Variants in HEMK2 observed in about 807,000 individuals in gnomAD.
HEMK2 encodes the protein methyltransferase HEMK2.
At chr21:28,747,263 C>T in the HEMK2 span, among the ~76,000 whole-genome samples, 3 of 152,148 alleles carry the variant, frequency 2.0e-5, no homozygotes, top group African/African-American at 7.2e-5. Flanking sequence ...CTGCAAGGCC[C>T]GGATGGAGGA....
chr21:28,616,688 C>T, the HEMK2 span, among the ~76,000 whole-genome samples: 1 of 152,134 alleles, frequency 6.6e-6, no homozygotes, highest in Non-Finnish European at 1.5e-5. Flanking sequence ...TTTTCTATTT[C>T]CTAGTCATTT....
At chr21:28,881,929 T>C in the HEMK2 span, among the ~76,000 whole-genome samples, 128,644 of 152,212 alleles carry the variant, frequency 0.85, 54,790 homozygotes, top group South Asian at 0.93. Context: ...TGAGCCTTTG[T>C]ACCCGGACTA....
At chr21:28,736,226 TA>T in the HEMK2 span, among the ~76,000 whole-genome samples, 1 of 152,210 alleles carries the variant, frequency 6.6e-6, no homozygotes, top group Non-Finnish European at 1.5e-5. Context: ...CACTTCTAGT[TA>T]TTAGGATGAG....
At chr21:28,592,900 T>C in the HEMK2 span, among the ~76,000 whole-genome samples, 1 of 152,208 alleles carries the variant, frequency 6.6e-6, no homozygotes, top group Non-Finnish European at 1.5e-5. Flanking sequence ...TATTGATCAG[T>C]AGCATTTAAA....
At chr21:28,694,545 C>T in the HEMK2 span, among the ~76,000 whole-genome samples, 3 of 152,330 alleles carry the variant, frequency 2.0e-5, no homozygotes, top group East Asian at 3.9e-4. Context: ...CCTCACTACA[C>T]TATCCTCTTT....
the HEMK2 span, among the ~76,000 whole-genome samples, chr21:28,787,010 T>C: frequency 0.063 from 9,644 of 152,154 alleles, 467 homozygotes; most frequent in African/African-American, 0.14. Context: ...AGGCATCACC[T>C]AGGCACATAG....
chr21:28,677,821 T>C, the HEMK2 span, among the ~76,000 whole-genome samples: 1 of 152,104 alleles, frequency 6.6e-6, no homozygotes, highest in African/African-American at 2.4e-5. Context: ...CTCCAAAAGA[T>C]ATGCAGCTGA....
At chr21:28,789,348 A>G in the HEMK2 span, among the ~76,000 whole-genome samples, 1 of 152,238 alleles carries the variant, frequency 6.6e-6, no homozygotes, top group South Asian at 2.1e-4. Context: ...TATAGCTCTC[A>G]ATTGTGGAAA....
chr21:28,688,507 A>G, the HEMK2 span, among the ~76,000 whole-genome samples: 1 of 152,006 alleles, frequency 6.6e-6, no homozygotes, highest in Non-Finnish European at 1.5e-5. Context: ...CATGTCAACT[A>G]GAGTGCATGC....
chr21:28,861,110 C>T, the HEMK2 span, among the ~76,000 whole-genome samples: 2 of 152,190 alleles, frequency 1.3e-5, no homozygotes, highest in Non-Finnish European at 2.9e-5. Flanking sequence ...GAAGGCAGCA[C>T]CTGCATCTTT....
chr21:28,591,519 A>T, the HEMK2 span, among the ~76,000 whole-genome samples: 1 of 152,198 alleles, frequency 6.6e-6, no homozygotes, highest in Non-Finnish European at 1.5e-5. Context: ...GTCCATCAGT[A>T]AGTTGAACAA....
chr21:28,800,945 T>C, the HEMK2 span, among the ~76,000 whole-genome samples: 1 of 152,192 alleles, frequency 6.6e-6, no homozygotes, highest in Non-Finnish European at 1.5e-5. Context: ...ATACAGCCTC[T>C]TCCTAATAAA....
At chr21:28,650,548 G>A in the HEMK2 span, among the ~76,000 whole-genome samples, 2 of 152,102 alleles carry the variant, frequency 1.3e-5, no homozygotes, top group African/African-American at 4.8e-5. Flanking sequence ...AGAGAGGGAA[G>A]GAGTCAGAAA....
chr21:28,864,596 T>C, the HEMK2 span, among the ~76,000 whole-genome samples: 2 of 152,280 alleles, frequency 1.3e-5, no homozygotes, highest in South Asian at 2.1e-4. Flanking sequence ...CGGACCCATA[T>C]GCATAAACAT....
chr21:28,597,546 G>A, the HEMK2 span, among the ~76,000 whole-genome samples: 51 of 152,314 alleles, frequency 3.3e-4, no homozygotes, highest in Non-Finnish European at 6.9e-4. Context: ...GACCCAGTTA[G>A]GTTTCTGTCA....
At chr21:28,631,368 T>C in the HEMK2 span, among the ~76,000 whole-genome samples, 2 of 152,334 alleles carry the variant, frequency 1.3e-5, no homozygotes, top group Non-Finnish European at 2.9e-5. Context: ...TCTACTTCCG[T>C]AATGTTGCTT....
the HEMK2 span, among the ~76,000 whole-genome samples, chr21:28,750,571 C>G: frequency 6.6e-6 from 1 of 151,922 alleles, no homozygotes; most frequent in Admixed American, 6.6e-5. Flanking sequence ...TGTGGTGATA[C>G]ACACCTGTAA....
the HEMK2 span, among the ~76,000 whole-genome samples, chr21:28,842,340 TTCTTG>T: frequency 5.3e-5 from 8 of 152,300 alleles, no homozygotes; most frequent in Admixed American, 6.5e-5. Context: ...AGATAATTCT[TTCTTG>T]TCTTATTTTT....
the HEMK2 span, among the ~76,000 whole-genome samples, chr21:28,728,765 G>A: frequency 6.6e-6 from 1 of 152,170 alleles, no homozygotes; most frequent in South Asian, 2.1e-4. Context: ...TCCAAATGCT[G>A]TTTTTCTGAT....
Sources: gnomAD v4.1 joint callset for allele counts (sites outside exome capture counted in the v4.1 genomes callset) on GRCh38, gnomAD v4.1.1 for gene constraint, MANE v1.5 for transcripts, NCBI Gene and HGNC (gene_info 2026-07-23, HGNC 2026-07-21) for gene names.